CADPS: variants seen among roughly 807,000 people sequenced by gnomAD.
CADPS encodes calcium-dependent secretion activator 1.
In CADPS, 57 loss-of-function variants were observed where a neutral mutation model predicts 167.3. The ratio of observed to expected loss-of-function variants is 0.34; its 90% CI spans 0.28 to 0.42. CADPS has a LOEUF of 0.42. CADPS is among the 20% of genes least tolerant of loss of function. The pLI is 1.00. For missense variants in CADPS, 1,414 were observed against 1,738.1 expected (o/e 0.81, Z 3.32); for synonymous variants, 676 against 635.3 (o/e 1.06, Z -0.96).
intron 1 of CADPS, among the ~76,000 whole-genome samples, chr3:62,814,826 A>C (rs1159956491): frequency 1.3e-5 from 2 of 152,086 alleles, no homozygotes; most frequent in Non-Finnish European, 2.9e-5. Context: ...GGGAGTACCC[A>C]CTCTTTTCCT....
chr3:62,622,248 A>G (rs1227189950), intron 6 of CADPS, among the ~76,000 whole-genome samples: 1 of 152,078 alleles, frequency 6.6e-6, no homozygotes, highest in Non-Finnish European at 1.5e-5. Context: ...ATGGAGTTCA[A>G]TGTCTCTGAC....
At chr3:62,443,567 G>A (rs1006430545) in intron 27 of CADPS, among the ~76,000 whole-genome samples, 5 of 152,078 alleles carry the variant, frequency 3.3e-5, no homozygotes, top group African/African-American at 7.2e-5. Flanking sequence ...GAATCATGGG[G>A]GTGGTTACCT....
chr3:62,698,068 T>G (rs892136930), intron 3 of CADPS, among the ~76,000 whole-genome samples: 1 of 152,080 alleles, frequency 6.6e-6, no homozygotes, highest in African/African-American at 2.4e-5. Context: ...TGCTGACTAT[T>G]CCTTTTACTT....
chr3:62,442,507 C>T, intron 27 of CADPS, among the ~76,000 whole-genome samples: 1 of 152,160 alleles, frequency 6.6e-6, no homozygotes, highest in East Asian at 1.9e-4. Context: ...GCGTGAGCTG[C>T]TTCGCCCGGC....
intron 26 of CADPS, among the ~76,000 whole-genome samples, chr3:62,454,860 T>A (rs776155171): frequency 1.3e-5 from 2 of 152,148 alleles, no homozygotes; most frequent in Non-Finnish European, 2.9e-5. Flanking sequence ...TAAACTATTA[T>A]CATAGTAATG....
intron 5 of CADPS, among the ~76,000 whole-genome samples, chr3:62,650,054 CT>C (rs1230489356): frequency 1.3e-5 from 2 of 152,180 alleles, no homozygotes; most frequent in African/African-American, 4.8e-5. Flanking sequence ...ACAGTCAAAT[CT>C]TTGTGCAGAC....
At chr3:62,826,231 C>A (rs2074012294) in intron 1 of CADPS, among the ~76,000 whole-genome samples, 1 of 152,000 alleles carries the variant, frequency 6.6e-6, no homozygotes, top group Non-Finnish European at 1.5e-5. Flanking sequence ...TCAGACTTAT[C>A]AAAAAGAGAA....
chr3:62,487,200 C>G (rs529398430), intron 21 of CADPS, among the ~76,000 whole-genome samples: 2 of 152,272 alleles, frequency 1.3e-5, no homozygotes, highest in South Asian at 2.1e-4. Context: ...GATTGAGTGA[C>G]CATCTGTCAG....
chr3:62,469,449 G>T (rs1453549815), intron 24 of CADPS, among the ~76,000 whole-genome samples: 1 of 151,972 alleles, frequency 6.6e-6, no homozygotes, highest in Non-Finnish European at 1.5e-5. Flanking sequence ...CTTGCAGTCT[G>T]ATCGACTATC....
chr3:62,489,167 A>G (rs573762701), intron 21 of CADPS, among the ~76,000 whole-genome samples: 1 of 148,150 alleles, frequency 6.7e-6, no homozygotes, highest in Non-Finnish European at 1.5e-5. Context: ...AACTTTTATT[A>G]TTTTTTTTTT....
intron 28 of CADPS, among the ~76,000 whole-genome samples, chr3:62,415,566 T>G (rs1205156413): frequency 6.6e-6 from 1 of 152,042 alleles, no homozygotes; most frequent in Non-Finnish European, 1.5e-5. Context: ...TCACTTCAGA[T>G]TTTGTAAAGA....
intron 28 of CADPS, among the ~76,000 whole-genome samples, chr3:62,407,238 T>A (rs1343988015): frequency 1.3e-5 from 2 of 152,154 alleles, no homozygotes; most frequent in Non-Finnish European, 1.5e-5. Context: ...TGGAACACGT[T>A]ACCAGGGAAA....
At chr3:62,650,655 T>A (rs1435268101) in intron 5 of CADPS, among the ~76,000 whole-genome samples, 192 bp downstream of exon 5, 3 of 152,202 alleles carry the variant, frequency 2.0e-5, no homozygotes, top group Non-Finnish European at 4.4e-5. Flanking sequence ...TCAGATTGCA[T>A]TTCCTTAAGA....
chr3:62,599,870 TA>T (rs1399226437), intron 6 of CADPS, among the ~76,000 whole-genome samples: 22 of 65,254 alleles, frequency 3.4e-4, no homozygotes, highest in East Asian at 3.1e-3. Flanking sequence ...TAATATATAA[TA>T]ATATATAATA....
At chr3:62,822,390 T>A (rs2073143846) in intron 1 of CADPS, among the ~76,000 whole-genome samples, 1 of 152,190 alleles carries the variant, frequency 6.6e-6, no homozygotes, top group Admixed American at 6.5e-5. Flanking sequence ...AAATGCATGT[T>A]ATTCACAGCT....
intron 1 of CADPS, among the ~76,000 whole-genome samples, chr3:62,771,356 A>G (rs111567653): frequency 0.014 from 2,130 of 152,242 alleles, 58 homozygotes; most frequent in African/African-American, 0.049. Flanking sequence ...CTCATCTTTG[A>G]CTTCTTAACA....
intron 3 of CADPS, among the ~76,000 whole-genome samples, chr3:62,718,758 G>A (rs752426296): frequency 6.6e-6 from 1 of 152,186 alleles, no homozygotes; most frequent in Admixed American, 6.5e-5. Flanking sequence ...ATTGTCAGCC[G>A]CATCAGGAGC....
In CADPS at chr3:62,749,425, A is replaced by G. The variant is rs112922014; in HGVS notation, c.888+4016T>C. On this transcript the variant is annotated intron_variant, in intron 3 of 29. Coordinates refer to ENST00000383710, the MANE Select transcript of CADPS (RefSeq NM_003716.4). The stretch of plus-strand genomic sequence containing the variant: ...AAATCAGATTACAGCTTCCCCTAGG[A>G]TACGATATGCGTAAGAGGAAAACAT... 1.0e-3 allele frequency among the ~76,000 whole-genome samples: 154 copies of G among 152,344 alleles called. 1 individual carries two copies. The highest frequency in any genetic ancestry group is 3.6e-3 in the African/African-American group (150 of 41,582).
chr3:62,819,732 G>A (rs12715580), intron 1 of CADPS, among the ~76,000 whole-genome samples: 89,750 of 151,866 alleles, frequency 0.59, 27,657 homozygotes, highest in East Asian at 0.85. Flanking sequence ...TAAAAATCCT[G>A]GACATCAAGT....
Sources: gnomAD v4.1 joint callset for allele counts (sites outside exome capture counted in the v4.1 genomes callset) on GRCh38, gnomAD v4.1.1 for gene constraint, MANE v1.5 for transcripts, NCBI Gene and HGNC (gene_info 2026-07-23, HGNC 2026-07-21) for gene names.